Variants in HEATR1 observed in about 807,000 individuals in gnomAD.
HEATR1 encodes the protein HEAT repeat containing 1.
A neutral mutation model predicts 248.2 loss-of-function variants in HEATR1; 77 were observed. The observed-to-expected ratio is 0.31, with a 90% CI of 0.26 to 0.37. HEATR1 has a LOEUF of 0.37. Ranked by LOEUF, HEATR1 falls within the 10% of genes least tolerant of loss-of-function variation. HEATR1 has a pLI of 1.00. For missense variants in HEATR1, 2,420 were observed against 2,504.9 expected (o/e 0.97, Z 0.72); for synonymous variants, 897 against 923.1 (o/e 0.97, Z 0.51).
chr1:236,562,380 G>A (rs915840964), intron 32 of HEATR1, among the ~76,000 whole-genome samples: 9 of 152,262 alleles, frequency 5.9e-5, no homozygotes, highest in African/African-American at 2.2e-4. Context: ...TTGAACTGTT[G>A]TTTTTTACAA....
At chr1:236,591,393 A>G (rs1470803257) in intron 11 of HEATR1, among the ~76,000 whole-genome samples, 1 of 152,148 alleles carries the variant, frequency 6.6e-6, no homozygotes, top group African/African-American at 2.4e-5. Context: ...CTTATCCATC[A>G]ACCTAAGATT....
intron 44 of HEATR1, chr1:236,551,769 C>T (rs540999366): frequency 1.5e-5 from 7 of 470,710 alleles, no homozygotes; most frequent in East Asian, 7.4e-5. Flanking sequence ...ACACTGTAAA[C>T]GGACTCTCAA....
chr1:236,553,533 TATGCAGTGAAAAG>T, intron 43 of HEATR1, 35 bp downstream of exon 43: 4 of 1,584,784 alleles, frequency 2.5e-6, no homozygotes, highest in Non-Finnish European at 3.4e-6. Context: ...CTGTTTAGGC[TATGCAGTGAAAAG>T]ATGCAGTTTC....
In HEATR1 at chr1:236,566,649, T is replaced by C; in HGVS notation, c.4305A>G (p.Glu1435=). 3.7e-6 allele frequency: 6 copies of C among 1,611,140 alleles called. No homozygotes were observed. The highest frequency in any genetic ancestry group is 5.1e-6 in the Non-Finnish European group (6 of 1,177,544). ...TCTTCCCACCCTAGGTTCTGACCTT[T>C]TCGCCATAGGCAGCCGCCAGCACTG... ...TKTVLAAAYG[E]KDAILEADTE... is the part of the protein sequence containing the mutation. Residue 1435 remains glutamate (E), a synonymous_variant, in exon 30 of 45, where the codon GAA becomes GAG. Coordinates refer to ENST00000366582, the MANE Select transcript of HEATR1 (RefSeq NM_018072.6).
chr1:236,572,387 C>T, intron 26 of HEATR1, 24 bp downstream of exon 26: 9 of 1,612,010 alleles, frequency 5.6e-6, no homozygotes, highest in Non-Finnish European at 6.8e-6. Flanking sequence ...TATTCTCTCA[C>T]AGATCAAAGC....
intron 12 of HEATR1, among the ~76,000 whole-genome samples, chr1:236,589,571 A>C (rs1330615940): frequency 1.3e-5 from 2 of 152,228 alleles, no homozygotes; most frequent in African/African-American, 4.8e-5. Flanking sequence ...AGATGAACTT[A>C]GTGTGATTAG....
chr1:236,558,646 CACACAG>C, intron 35 of HEATR1, 117 bp from the exon 36 acceptor site: 4 of 1,008,200 alleles, frequency 4.0e-6, no homozygotes, highest in Non-Finnish European at 5.8e-6. Flanking sequence ...GGTCCTGAGT[CACACAG>C]TCATGCTAAG....
In HEATR1 at chr1:236,599,606, A is replaced by G. The variant is rs1484768381; in HGVS notation, c.378T>C (p.Tyr126=). The G allele has an allele frequency of 3.7e-6, 6 of 1,612,116 alleles. No homozygotes were observed. The highest frequency in any genetic ancestry group is 5.1e-6 in the Non-Finnish European group (6 of 1,178,998). Reference sequence around the variant, plus strand: ...CACAAGCAATGAGGCTATCTTGATTATAGAGATGTATATGGAACCTGGGGA... The same window carrying G: ...CACAAGCAATGAGGCTATCTTGATTGTAGAGATGTATATGGAACCTGGGGA... The part of the protein sequence containing the change: ...WLIHRFHIHL[Y]NQDSLIACVL... The change falls in exon 4 of 45, where the codon TAT becomes TAC. Residue 126 remains tyrosine (Y), a synonymous_variant. Transcript: ENST00000366582.
intron 3 of HEATR1, among the ~76,000 whole-genome samples, chr1:236,600,118 ATTTTTTTTTTTT>A (rs67344658): frequency 0.034 from 1,691 of 50,416 alleles, 62 homozygotes; most frequent in African/African-American, 0.13. Flanking sequence ...GTCTGTCAAC[ATTTTTTTTTTTT>A]TTTTTTTTTT....
chr1:236,600,502 C>T (rs182065622), intron 3 of HEATR1, among the ~76,000 whole-genome samples: 98 of 151,736 alleles, frequency 6.5e-4, no homozygotes, highest in African/African-American at 1.8e-3. Context: ...ACATCGTGTA[C>T]TTTTTTTAAA....
chr1:236,561,301 G>A (rs755479562), intron 32 of HEATR1, 30 bp from the exon 33 acceptor site: 42 of 1,572,904 alleles, frequency 2.7e-5, no homozygotes, highest in South Asian at 1.6e-4. Flanking sequence ...TCATTAGAAC[G>A]GTAGGGAAGT....
At chr1:236,586,071 T>G in intron 15 of HEATR1, 130 bp from the exon 16 acceptor site, 1 of 1,326,978 alleles carries the variant, frequency 7.5e-7, no homozygotes, top group Non-Finnish European at 1.0e-6. Flanking sequence ...TATCCGATTC[T>G]GAATTTGTCT....
chr1:236,580,751 A>G (rs1663705544), intron 20 of HEATR1, among the ~76,000 whole-genome samples: 1 of 151,442 alleles, frequency 6.6e-6, no homozygotes, highest in Non-Finnish European at 1.5e-5. Context: ...TCTTGGCCTC[A>G]AGTGATCCTC....
intron 32 of HEATR1, among the ~76,000 whole-genome samples, chr1:236,561,541 C>T (rs1025066421): frequency 6.6e-5 from 10 of 152,104 alleles, no homozygotes; most frequent in East Asian, 5.8e-4. Context: ...TTAGCACTAC[C>T]GAATTCTATG....
chr1:236,561,169 T>C (rs111927994), intron 33 of HEATR1, 56 bp downstream of exon 33: 2 of 1,230,242 alleles, frequency 1.6e-6, no homozygotes. Flanking sequence ...TTCCAGGTTT[T>C]CTATAAGTTT....
intron 28 of HEATR1, among the ~76,000 whole-genome samples, chr1:236,569,695 G>T (rs1222646390): frequency 6.6e-6 from 1 of 152,080 alleles, no homozygotes; most frequent in Non-Finnish European, 1.5e-5. Flanking sequence ...GAAGCAAAAT[G>T]GTGTGGCCAC....
chr1:236,596,241 G>C (rs1220822172), intron 6 of HEATR1, among the ~76,000 whole-genome samples, 197 bp from the exon 7 acceptor site: 1 of 152,150 alleles, frequency 6.6e-6, no homozygotes, highest in Non-Finnish European at 1.5e-5. Context: ...TCTGTTGAAC[G>C]AGACAAAGGA....
In HEATR1 at chr1:236,576,391, A is replaced by T; in HGVS notation, c.2926-14T>A. ...AGTAGCCAAATCCTAAGATACCAAA[A>T]AGAAAATTGGATAAAAAAGGGTTAA... is the stretch of plus-strand genomic sequence containing the variant. On this transcript the variant is annotated splice_polypyrimidine_tract_variant and intron_variant, in intron 21 of 44. Transcript: ENST00000366582. The T allele has an allele frequency of 6.4e-7, 1 of 1,551,604 alleles. No homozygotes were observed. Among genetic ancestry groups the T allele is most frequent in the Non-Finnish European group, 8.7e-7 (1 of 1,153,562 alleles).
chr1:236,585,764 A>ATT, intron 16 of HEATR1, 56 bp downstream of exon 16: 1 of 1,546,322 alleles, frequency 6.5e-7, no homozygotes, highest in Non-Finnish European at 8.7e-7. Flanking sequence ...AAAGCTGAGA[A>ATT]TTTAATAAGA....
Sources: allele counts gnomAD v4.1 joint callset (sites outside exome capture counted in the v4.1 genomes callset), GRCh38; gene constraint gnomAD v4.1.1; transcripts MANE v1.5; gene names NCBI Gene and HGNC (gene_info 2026-07-23, HGNC 2026-07-21).